Variants in SPATA16 observed in about 807,000 individuals in gnomAD.
SPATA16 encodes the protein spermatogenesis associated 16.
A neutral mutation model predicts 63.3 loss-of-function variants in SPATA16; 36 were observed. The ratio of observed to expected loss-of-function variants is 0.57; its 90% CI spans 0.44 to 0.75. The LOEUF (loss-of-function observed/expected upper bound fraction) is 0.75, where lower values mean the gene tolerates loss of function less well. SPATA16 is among the 30% of genes least tolerant of loss of function. The pLI, the probability that SPATA16 is intolerant of heterozygous loss-of-function variation, is 0.00. For synonymous variants in SPATA16, 203 were observed against 216.7 expected (o/e 0.94, Z 0.56); for missense variants, 646 against 679.3 (o/e 0.95, Z 0.54).
chr3:172,917,041 C>A (rs1732509261), intron 8 of SPATA16, among the ~76,000 whole-genome samples: 1 of 152,130 alleles, frequency 6.6e-6, no homozygotes, highest in Non-Finnish European at 1.5e-5. Context: ...TTTTGACTAG[C>A]TTCCCTCTGT....
intron 5 of SPATA16, among the ~76,000 whole-genome samples, chr3:172,957,963 G>A (rs1453446243): frequency 1.3e-5 from 2 of 152,096 alleles, no homozygotes; most frequent in East Asian, 1.9e-4. Flanking sequence ...TTATTTTCTG[G>A]ATGCAAAGGG....
At chr3:173,127,999 G>T (rs565967090) in intron 1 of SPATA16, among the ~76,000 whole-genome samples, 14 of 152,258 alleles carry the variant, frequency 9.2e-5, no homozygotes, top group Admixed American at 3.3e-4. Context: ...TGGAGGGCTA[G>T]TCACCATCAA....
intron 2 of SPATA16, among the ~76,000 whole-genome samples, chr3:173,091,846 T>C (rs1327688826): frequency 6.6e-6 from 1 of 152,180 alleles, no homozygotes; most frequent in African/African-American, 2.4e-5. Context: ...AGCATAATTT[T>C]CCATGGGTCT....
At chr3:173,066,177 A>G (rs890009333) in intron 2 of SPATA16, among the ~76,000 whole-genome samples, 4 of 151,912 alleles carry the variant, frequency 2.6e-5, no homozygotes, top group African/African-American at 9.7e-5. Flanking sequence ...AATTTCAGGC[A>G]TTTGGTGCTG....
chr3:172,937,504 A>G (rs1267156564), intron 6 of SPATA16, among the ~76,000 whole-genome samples: 1 of 152,220 alleles, frequency 6.6e-6, no homozygotes. Context: ...TTAAACTTCA[A>G]TGCTGAACCA....
At chr3:173,119,829 G>A (rs13081883) in intron 1 of SPATA16, among the ~76,000 whole-genome samples, 19,048 of 152,104 alleles carry the variant, frequency 0.13, 1,251 homozygotes, top group African/African-American at 0.14. Context: ...CTGGCCAGGC[G>A]CGATGGCTTG....
chr3:172,926,727 A>G (rs1467480566), intron 6 of SPATA16, among the ~76,000 whole-genome samples: 1 of 152,236 alleles, frequency 6.6e-6, no homozygotes, highest in Non-Finnish European at 1.5e-5. Flanking sequence ...TCACGAATTG[A>G]GCAAACAGAG....
rs1330632536 is a variant in SPATA16 at position 172,916,364 on chromosome 3, C to T, written c.1456G>A (p.Ala486Thr). 6.2e-7 allele frequency: 1 copy of T among 1,613,712 alleles called. No homozygotes were observed. Among genetic ancestry groups the T allele is most frequent in the South Asian group, 1.1e-5 (1 of 91,082 alleles). The change falls in exon 9 of 11, where the codon GCA (alanine) becomes ACA (threonine). Residue 486 changes from alanine to threonine, a missense_variant. Coordinates refer to ENST00000351008, the MANE Select transcript of SPATA16 (RefSeq NM_031955.6). ...ATGTCCTGTAGGTAGGGAATGGTTG[C>T]TAGCTCTGCCATTGCTTGATTAATC... ...QVINQAMAEL[A>T]TIPYLQDISQ...
Position 173,013,948 on chromosome 3 carries a change from G to A in SPATA16, c.848+5538C>T, listed in dbSNP as rs570839473. On this transcript the variant is annotated intron_variant, in intron 4 of 10. Transcript: ENST00000351008. ...TTCCTGGGTCTGGGCTGTGCCTGTT[G>A]CTGCCTCTGGGACAAGTCAGCCTAA... 2.6e-5 allele frequency among the ~76,000 whole-genome samples: 4 copies of A among 152,308 alleles called. No homozygotes were observed. The East Asian group carries it at 7.7e-4, about 29-fold the overall frequency.
intron 6 of SPATA16, among the ~76,000 whole-genome samples, chr3:172,928,161 A>G (rs1818047): frequency 0.52 from 78,050 of 151,352 alleles, 23,105 homozygotes; most frequent in South Asian, 0.7. Flanking sequence ...CGCCCAACAC[A>G]CCCTCCCAAA....
chr3:172,949,099 T>C (rs1292977809), intron 6 of SPATA16, among the ~76,000 whole-genome samples: 1 of 152,204 alleles, frequency 6.6e-6, no homozygotes, highest in Non-Finnish European at 1.5e-5. Flanking sequence ...AAAGGGTATC[T>C]GGAGAGCTGG....
rs373224081 is a variant in SPATA16 at position 173,091,588 on chromosome 3, A to C, written c.612+25532T>G. On this transcript the variant is annotated intron_variant, in intron 2 of 10. Coordinates refer to ENST00000351008, the MANE Select transcript of SPATA16 (RefSeq NM_031955.6). The stretch of plus-strand genomic sequence containing the variant: ...CCAAAAAGTCAACATATTTTCATAT[A>C]GAATTGTCCAATGATAAGACAGTAA... Among the ~76,000 whole-genome samples, 13 of 152,324 alleles carry C rather than the reference A, an allele frequency of 8.5e-5. 1 individual carries two copies. The highest frequency in any genetic ancestry group is 2.6e-4 in the Admixed American group (4 of 15,280).
chr3:173,075,532 A>G (rs955280231), intron 2 of SPATA16, among the ~76,000 whole-genome samples: 2 of 152,236 alleles, frequency 1.3e-5, no homozygotes, highest in African/African-American at 4.8e-5. Flanking sequence ...TCTAAGTTCT[A>G]TCAATGGATT....
chr3:172,898,808 G>A (rs1261680670), intron 10 of SPATA16, among the ~76,000 whole-genome samples: 4 of 151,344 alleles, frequency 2.6e-5, no homozygotes, highest in South Asian at 2.1e-4. Flanking sequence ...TTCAGTTATT[G>A]ATTTGAGATA....
intron 2 of SPATA16, among the ~76,000 whole-genome samples, chr3:173,098,016 A>C (rs34088589): frequency 6.6e-6 from 1 of 152,058 alleles, no homozygotes; most frequent in Non-Finnish European, 1.5e-5. Flanking sequence ...CAGAGAGAAG[A>C]AGCCACATAC....
At chr3:172,928,309 GT>G (rs1237457812) in intron 6 of SPATA16, among the ~76,000 whole-genome samples, 1 of 152,190 alleles carries the variant, frequency 6.6e-6, no homozygotes, top group African/African-American at 2.4e-5. Context: ...CTACTTTTCA[GT>G]TTCAAAAGTG....
chr3:172,916,398 C>T lies in SPATA16; in HGVS notation c.1422G>A (p.Gln474=). The T allele has an allele frequency of 6.2e-7, 1 of 1,613,910 alleles. No individual in the cohort carries two copies. The highest frequency in any genetic ancestry group is 8.5e-7 in the Non-Finnish European group (1 of 1,179,830). The change falls in exon 9 of 11, where the codon CAG becomes CAA. Residue 474 remains glutamine (Q), a synonymous_variant. Coordinates refer to ENST00000351008, the MANE Select transcript of SPATA16 (RefSeq NM_031955.6). ...LLSQLQRVKE[Q]SQVINQAMAE... Reference sequence around the variant, plus strand: ...CCATTGCTTGATTAATCACCTGGGACTGCTCCTTTACTCTCTGCAGCTGGC... The same window carrying T: ...CCATTGCTTGATTAATCACCTGGGATTGCTCCTTTACTCTCTGCAGCTGGC...
chr3:173,052,880 A>G (rs1340728194), intron 2 of SPATA16, among the ~76,000 whole-genome samples: 1 of 152,244 alleles, frequency 6.6e-6, no homozygotes, highest in Non-Finnish European at 1.5e-5. Context: ...GAAATAGTAT[A>G]TCACTGAGAA....
At chr3:173,099,555 A>G (rs1737441891) in intron 2 of SPATA16, among the ~76,000 whole-genome samples, 1 of 152,192 alleles carries the variant, frequency 6.6e-6, no homozygotes, top group Admixed American at 6.5e-5. Flanking sequence ...TAAAAGATGA[A>G]CAACAGTTGC....
Sources: allele counts gnomAD v4.1 joint callset (sites outside exome capture counted in the v4.1 genomes callset), GRCh38; gene constraint gnomAD v4.1.1; transcripts MANE v1.5; gene names NCBI Gene and HGNC (gene_info 2026-07-23, HGNC 2026-07-21).